Variants in SND1 observed in about 807,000 individuals in gnomAD.
SND1 encodes staphylococcal nuclease and tudor domain containing 1.
In SND1, 38 loss-of-function variants were observed where a neutral mutation model predicts 121.7. The observed-to-expected ratio is 0.31, with a 90% CI of 0.24 to 0.41. SND1 has a LOEUF of 0.41. SND1 is among the 10% of genes least tolerant of loss of function. The probability of loss-of-function intolerance (pLI) is 1.00; values close to 1 mark genes in which losing one functional copy is unlikely to be tolerated. For synonymous variants in SND1, 401 were observed against 447.4 expected (o/e 0.90, Z 1.31); for missense variants, 868 against 1,184.6 (o/e 0.73, Z 3.92).
chr7:127,753,367 A>C (rs1051620279), intron 10 of SND1, among the ~76,000 whole-genome samples: 3 of 152,120 alleles, frequency 2.0e-5, no homozygotes, highest in African/African-American at 7.2e-5. Flanking sequence ...GAATAGACCC[A>C]CTGGAGCCTT....
At chr7:127,823,557 A>G (rs1029140229) in intron 11 of SND1, among the ~76,000 whole-genome samples, 5 of 152,186 alleles carry the variant, frequency 3.3e-5, no homozygotes, top group Admixed American at 6.5e-5. Context: ...TTAAAATCCA[A>G]GTTTCTCTGA....
At chr7:127,853,765 T>C (rs879696354) in intron 12 of SND1, among the ~76,000 whole-genome samples, 12 of 152,224 alleles carry the variant, frequency 7.9e-5, no homozygotes, top group Non-Finnish European at 1.3e-4. Flanking sequence ...CTGTGCAGTT[T>C]TGTGGTAAAT....
At chr7:127,814,870 T>G (rs113768586) in intron 11 of SND1, among the ~76,000 whole-genome samples, 220 of 152,292 alleles carry the variant, frequency 1.4e-3, no homozygotes, top group African/African-American at 4.7e-3. Flanking sequence ...TGTCGACTTT[T>G]TATAGTTGGG....
intron 13 of SND1, among the ~76,000 whole-genome samples, chr7:127,894,315 C>T (rs1800075156): frequency 6.6e-6 from 1 of 151,628 alleles, no homozygotes; most frequent in South Asian, 2.1e-4. Flanking sequence ...AGGAGCTCTC[C>T]CTTTTTTCTG....
intron 1 of SND1, among the ~76,000 whole-genome samples, chr7:127,685,615 A>G (rs1795798831): frequency 6.6e-6 from 1 of 152,222 alleles, no homozygotes; most frequent in South Asian, 2.1e-4. Context: ...GGTTAATGCC[A>G]GTGAGCTTTA....
intron 12 of SND1, chr7:127,858,041 G>A (rs1799314221): frequency 1.4e-6 from 2 of 1,389,876 alleles, no homozygotes; most frequent in Non-Finnish European, 2.0e-6. Flanking sequence ...ACATCCACCA[G>A]ACCATCTCCT....
chr7:127,800,345 G>A (rs1295414341), intron 10 of SND1, among the ~76,000 whole-genome samples: 1 of 152,136 alleles, frequency 6.6e-6, no homozygotes, highest in Non-Finnish European at 1.5e-5. Flanking sequence ...ATATATTATT[G>A]TTGAGGCTCC....
intron 1 of SND1, among the ~76,000 whole-genome samples, chr7:127,682,471 A>T (rs1366367256): frequency 6.6e-6 from 1 of 152,224 alleles, no homozygotes; most frequent in Admixed American, 6.5e-5. Context: ...CTCCTGCTGT[A>T]TCAGGTAGTT....
chr7:127,913,675 C>G (rs886108554), intron 14 of SND1, among the ~76,000 whole-genome samples: 2 of 152,178 alleles, frequency 1.3e-5, no homozygotes, highest in African/African-American at 4.8e-5. Context: ...ATTTCAGATT[C>G]CCAGGTTGAG....
chr7:127,772,761 G>A (rs187734054), intron 10 of SND1, among the ~76,000 whole-genome samples: 1 of 152,054 alleles, frequency 6.6e-6, no homozygotes, highest in East Asian at 1.9e-4. Flanking sequence ...TATCTTGCAA[G>A]CAAATCTTAT....
intron 10 of SND1, among the ~76,000 whole-genome samples, chr7:127,795,678 G>T (rs1798004359): frequency 6.6e-6 from 1 of 152,022 alleles, no homozygotes; most frequent in South Asian, 2.1e-4. Context: ...AAAGTCTTAG[G>T]TCAAAAGAGA....
At chr7:127,828,004 T>C (rs1798673866) in intron 11 of SND1, among the ~76,000 whole-genome samples, 2 of 152,164 alleles carry the variant, frequency 1.3e-5, no homozygotes, top group Admixed American at 1.3e-4. Flanking sequence ...ATGTAGCAAG[T>C]TTTTTTGTTT....
chr7:127,724,320 T>C (rs1587621628), intron 10 of SND1, among the ~76,000 whole-genome samples: 1 of 152,162 alleles, frequency 6.6e-6, no homozygotes, highest in Non-Finnish European at 1.5e-5. Flanking sequence ...AGGAATTAGC[T>C]AGATAAAAAG....
At chr7:127,670,492 C>T (rs1318196307) in intron 1 of SND1, among the ~76,000 whole-genome samples, 2 of 152,034 alleles carry the variant, frequency 1.3e-5, no homozygotes, top group Non-Finnish European at 1.5e-5. Flanking sequence ...GAACGGTTTG[C>T]GGCCAGATTG....
At chr7:127,936,284 TC>T (rs935614574) in intron 15 of SND1, among the ~76,000 whole-genome samples, 6 of 152,156 alleles carry the variant, frequency 3.9e-5, no homozygotes, top group African/African-American at 1.4e-4. Context: ...CACAGACACT[TC>T]TTGTCCATAG....
intron 11 of SND1, among the ~76,000 whole-genome samples, chr7:127,829,768 T>A (rs1002488436): frequency 6.6e-6 from 1 of 152,180 alleles, no homozygotes; most frequent in African/African-American, 2.4e-5. Flanking sequence ...GGAAAACTTG[T>A]CCCAAGTAAA....
In SND1 at chr7:127,887,927, A is replaced by G. The variant is rs767622270; in HGVS notation, c.1369A>G (p.Lys457Glu). 1 of 1,612,056 alleles carries G rather than the reference A, an allele frequency of 6.2e-7. No individual in the cohort carries two copies. Residue 457 changes from lysine to glutamate, a missense_variant, in exon 13 of 24, where the codon AAA (lysine) becomes GAA (glutamate). This residue lies in a region of SND1 where 743 missense variants were observed against 1,071.3 expected (regional missense o/e 0.69). Coordinates refer to ENST00000354725, the MANE Select transcript of SND1 (RefSeq NM_014390.4). ...AAACATTGCTGAGGCTCTTGTCAGCAAAGGTCTAGCCACAGTGATCAGATA... is the reference window on the plus strand; with the variant it reads ...AAACATTGCTGAGGCTCTTGTCAGCGAAGGTCTAGCCACAGTGATCAGATA... Reference protein sequence around the residue: ...GINIAEALVSKGLATVIRYRQ... With the variant: ...GINIAEALVSEGLATVIRYRQ...
In SND1 at chr7:127,812,601, C is replaced by T. The variant is rs117669708; in HGVS notation, c.1242+5028C>T. 3.9e-4 allele frequency among the ~76,000 whole-genome samples: 60 copies of T among 152,218 alleles called. 1 individual carries two copies. In the East Asian group the frequency reaches 9.3e-3, roughly 24 times the overall value. The stretch of plus-strand genomic sequence containing the variant: ...TTTTTTTTATCTTGGCACAGGGTCA[C>T]GGAGAAGTTGAGGGGCACTGTAGGT... On this transcript the variant is annotated intron_variant, in intron 11 of 23. Coordinates refer to ENST00000354725, the MANE Select transcript of SND1 (RefSeq NM_014390.4).
intron 10 of SND1, among the ~76,000 whole-genome samples, chr7:127,723,124 T>C (rs1314427480): frequency 5.9e-5 from 9 of 152,206 alleles, no homozygotes; most frequent in African/African-American, 1.9e-4. Flanking sequence ...TAGCTGAATT[T>C]TAAGCAGTTT....
Sources: gnomAD v4.1 joint callset for allele counts (sites outside exome capture counted in the v4.1 genomes callset) on GRCh38, gnomAD v4.1.1 for gene constraint, gnomAD v4.1.1 regional missense constraint, MANE v1.5 for transcripts, NCBI Gene and HGNC (gene_info 2026-07-23, HGNC 2026-07-21) for gene names.